MSL2: variants seen among roughly 807,000 people sequenced by gnomAD.
MSL2 encodes E3 ubiquitin-protein ligase MSL2.
Under a neutral mutation model 35.8 loss-of-function variants are expected in MSL2, and 2 were observed. That is an observed-to-expected ratio of 0.06 (90% CI 0.02 to 0.18). The LOEUF (loss-of-function observed/expected upper bound fraction) is 0.18, where lower values mean the gene tolerates loss of function less well. Among genes scored for constraint, MSL2 ranks in the 10% least tolerant of loss-of-function variants. The pLI, the probability that MSL2 is intolerant of heterozygous loss-of-function variation, is 1.00. For synonymous variants in MSL2, 296 were observed against 255.7 expected, an observed-to-expected ratio of 1.16 and a Z score of -1.50; for missense variants, 523 against 706.7, an observed-to-expected ratio of 0.74 and a Z score of 2.95.
intron 1 of MSL2, among the ~76,000 whole-genome samples, chr3:136,154,206 A>G (rs550056922): frequency 1.3e-5 from 2 of 152,292 alleles, no homozygotes; most frequent in South Asian, 4.1e-4. Flanking sequence ...AATGGAAAAA[A>G]TTATATTTAA....
At position 136,195,461 on chromosome 3, in the gene MSL2, GCACTCGAGCTC is replaced by G. The variant is rs1940810737; in HGVS notation, c.-359_-349del. 5 of 1,036,678 alleles carry G rather than the reference GCACTCGAGCTC, an allele frequency of 4.8e-6. No individual in the cohort carries two copies. The highest frequency in any genetic ancestry group is 1.7e-5 in the African/African-American group (1 of 58,228). The allele number at this position is 1,036,678 out of a possible 1,614,324, so 64.2% of individuals were successfully genotyped here. A position where few individuals can be genotyped will look rare whatever the true frequency, so the allele number is the denominator to read the frequency against. On this transcript the variant is annotated 5_prime_UTR_variant, in exon 1 of 2. An upstream open reading frame in the 5' UTR gains an earlier in-frame stop. Coordinates refer to ENST00000309993, the MANE Select transcript of MSL2 (RefSeq NM_018133.4). Reference sequence around the variant, plus strand: ...AGCCCCGCGGCTCGGCAGGCGGCCTGCACTCGAGCTCCATCTCCGGACACGGAGGCGCCTCC... The same window carrying G: ...AGCCCCGCGGCTCGGCAGGCGGCCTGCATCTCCGGACACGGAGGCGCCTCC...
At chr3:136,190,055 T>A (rs1005689384) in intron 1 of MSL2, among the ~76,000 whole-genome samples, 1 of 152,174 alleles carries the variant, frequency 6.6e-6, no homozygotes, top group Non-Finnish European at 1.5e-5. Context: ...CACTCCAGCC[T>A]GGGCAACATA....
In MSL2 at chr3:136,169,901, A is replaced by G. The variant is rs549500720; in HGVS notation, c.143-17163T>C. On this transcript the variant is annotated intron_variant, in intron 1 of 1. Coordinates refer to ENST00000309993, the MANE Select transcript of MSL2 (RefSeq NM_018133.4). ...GTAAAACCTCATCTCTACTAAAAATAAAAAAGTAGCCAGGTGTGGTGGCAG... is the reference window on the plus strand; with the variant it reads ...GTAAAACCTCATCTCTACTAAAAATGAAAAAGTAGCCAGGTGTGGTGGCAG... 1.3e-4 allele frequency among the ~76,000 whole-genome samples: 20 copies of G among 151,750 alleles called. No individual in the cohort carries two copies. The South Asian group carries it at 4.2e-3, about 32-fold the overall frequency.
chr3:136,188,962 G>A (rs182709962), intron 1 of MSL2, among the ~76,000 whole-genome samples: 1 of 151,634 alleles, frequency 6.6e-6, no homozygotes, highest in East Asian at 1.9e-4. Flanking sequence ...CATTTAGGGA[G>A]TCCTTTCCCT....
chr3:136,159,311 G>C (rs781242545), intron 1 of MSL2, among the ~76,000 whole-genome samples: 1 of 149,604 alleles, frequency 6.7e-6, no homozygotes, highest in Non-Finnish European at 1.5e-5. Context: ...CAATTTGTGC[G>C]ACAGGGTATC....
intron 1 of MSL2, chr3:136,155,929 TC>T: frequency 1.9e-6 from 1 of 539,298 alleles, no homozygotes. Context: ...TTTCCAATAC[TC>T]CAGAACTACT....
chr3:136,175,343 CAAAA>C (rs34663683), intron 1 of MSL2, among the ~76,000 whole-genome samples: 2 of 120,232 alleles, frequency 1.7e-5, no homozygotes, highest in African/African-American at 3.1e-5. Context: ...GACTCCGTCT[CAAAA>C]AAAAAAAAAA....
chr3:136,186,953 A>C (rs776011009), intron 1 of MSL2, among the ~76,000 whole-genome samples: 26 of 151,656 alleles, frequency 1.7e-4, no homozygotes, highest in Non-Finnish European at 3.4e-4. Flanking sequence ...ATACTATGTA[A>C]GTAGTTGTTA....
At chr3:136,175,114 G>A (rs991437533) in intron 1 of MSL2, among the ~76,000 whole-genome samples, 2 of 152,060 alleles carry the variant, frequency 1.3e-5, no homozygotes, top group African/African-American at 4.8e-5. Flanking sequence ...GGGAGGCCGA[G>A]GCAGGTGGAT....
At position 136,195,233 on chromosome 3, in the gene MSL2, T is replaced by C. The variant is rs1940802219; in HGVS notation, c.-120A>G. The C allele has an allele frequency of 6.6e-7, 1 of 1,507,860 alleles. No homozygotes were observed. The highest frequency in any genetic ancestry group is 1.4e-5 in the African/African-American group (1 of 71,370). 93.4% of individuals were successfully genotyped at this position (1,507,860 alleles called of 1,614,324 possible). A position where few individuals can be genotyped will look rare whatever the true frequency, so the allele number is the denominator to read the frequency against. On this transcript the variant is annotated 5_prime_UTR_variant, in exon 1 of 2. Coordinates refer to ENST00000309993, the MANE Select transcript of MSL2 (RefSeq NM_018133.4). ...TCGGAAGAAATCAGAGCCGAACCATTGGCCAAACAAGTAACCAAAATCCGT... is the reference window on the plus strand; with the variant it reads ...TCGGAAGAAATCAGAGCCGAACCATCGGCCAAACAAGTAACCAAAATCCGT...
chr3:136,185,892 G>A (rs1940507324), intron 1 of MSL2, among the ~76,000 whole-genome samples: 2 of 151,212 alleles, frequency 1.3e-5, no homozygotes, highest in South Asian at 2.1e-4. Flanking sequence ...TATTCCAGAA[G>A]ACAAAACTAA....
intron 1 of MSL2, among the ~76,000 whole-genome samples, chr3:136,187,513 A>G (rs1392206725): frequency 6.6e-6 from 1 of 151,314 alleles, no homozygotes; most frequent in African/African-American, 2.4e-5. Context: ...AAATACATGA[A>G]AAAAAAAATT....
intron 1 of MSL2, among the ~76,000 whole-genome samples, chr3:136,163,540 T>C (rs924016575): frequency 6.6e-5 from 10 of 152,226 alleles, no homozygotes; most frequent in African/African-American, 2.4e-4. Context: ...AAGAGGAGTT[T>C]TGATCACCTT....
intron 1 of MSL2, among the ~76,000 whole-genome samples, chr3:136,189,864 G>C (rs1383481268): frequency 6.6e-6 from 1 of 151,920 alleles, no homozygotes. Flanking sequence ...ACAAATAAAT[G>C]CGCTTTCATG....
Position 136,162,082 on chromosome 3 carries a change from G to A in MSL2, c.143-9344C>T, listed in dbSNP as rs1017122252. 1.7e-4 allele frequency among the ~76,000 whole-genome samples: 26 copies of A among 151,668 alleles called. 1 individual carries two copies. Among genetic ancestry groups the A allele is most frequent in the Non-Finnish European group, 7.4e-5 (5 of 67,942 alleles). ...TCTCCCGAGTAGCTGGGATTTACAG[G>A]TGCCCGCCACCACGCCTGGTTAATT... On this transcript the variant is annotated intron_variant, in intron 1 of 1. Coordinates refer to ENST00000309993, the MANE Select transcript of MSL2 (RefSeq NM_018133.4).
intron 1 of MSL2, among the ~76,000 whole-genome samples, chr3:136,173,581 AG>A (rs1323455179): frequency 2.0e-5 from 3 of 152,076 alleles, no homozygotes; most frequent in Non-Finnish European, 4.4e-5. Flanking sequence ...CCACCCCTTC[AG>A]GTTTTATTTG....
intron 1 of MSL2, among the ~76,000 whole-genome samples, chr3:136,153,521 C>T (rs939257201): frequency 6.6e-6 from 1 of 152,220 alleles, no homozygotes; most frequent in African/African-American, 2.4e-5. Flanking sequence ...GACACAGTGG[C>T]TCATGCCTAT....
At chr3:136,178,204 T>C (rs1049546464) in intron 1 of MSL2, among the ~76,000 whole-genome samples, 1 of 152,240 alleles carries the variant, frequency 6.6e-6, no homozygotes, top group African/African-American at 2.4e-5. Context: ...GAGGCTTTTA[T>C]AGAATGTTTG....
chr3:136,195,669 G>C lies in MSL2; in HGVS notation c.-556C>G, dbSNP rs1017032375. On this transcript the variant is annotated 5_prime_UTR_variant, in exon 1 of 2. Transcript: ENST00000309993. Reference sequence around the variant, plus strand: ...TCCCGGATCTAGTGCAAGACGCCGCGGCGGCGACGAAGGTTGATGTTGCGG... The same window carrying C: ...TCCCGGATCTAGTGCAAGACGCCGCCGCGGCGACGAAGGTTGATGTTGCGG... 4.1e-6 allele frequency: 4 copies of C among 985,470 alleles called. No individual in the cohort carries two copies. Among genetic ancestry groups the C allele is most frequent in the African/African-American group, 1.7e-5 (1 of 57,246 alleles). 61.0% of individuals were successfully genotyped at this position (985,470 alleles called of 1,614,324 possible).
Sources: allele counts gnomAD v4.1 joint callset (sites outside exome capture counted in the v4.1 genomes callset), GRCh38; gene constraint gnomAD v4.1.1; transcripts MANE v1.5; gene names NCBI Gene and HGNC (gene_info 2026-07-23, HGNC 2026-07-21).